The following SPEN variants were observed in gnomAD, a reference collection of about 807,000 sequenced individuals.
The protein encoded by SPEN is msx2-interacting protein.
Under a neutral mutation model 269.9 loss-of-function variants are expected in SPEN, and 18 were observed. That is an observed-to-expected ratio of 0.07 (90% CI 0.05 to 0.10). The LOEUF (loss-of-function observed/expected upper bound fraction) is 0.10, where lower values mean the gene tolerates loss of function less well. Among genes scored for constraint, SPEN ranks in the 10% least tolerant of loss-of-function variants. The pLI is 1.00. For synonymous variants in SPEN, 1,726 were observed against 1,765.7 expected, an observed-to-expected ratio of 0.98 and a Z score of 0.56; for missense variants, 3,822 against 4,631.2, an observed-to-expected ratio of 0.83 and a Z score of 5.07.
At chr1:15,921,839 G>A (rs1040243035) in intron 9 of SPEN, among the ~76,000 whole-genome samples, 5 of 152,212 alleles carry the variant, frequency 3.3e-5, no homozygotes, top group African/African-American at 1.2e-4. Context: ...TTTGATAGCT[G>A]ATGAGCATCA....
At chr1:15,912,669 A>G (rs2071022268) in intron 5 of SPEN, among the ~76,000 whole-genome samples, 1 of 152,200 alleles carries the variant, frequency 6.6e-6, no homozygotes, top group Non-Finnish European at 1.5e-5. Flanking sequence ...TCAAAGGATA[A>G]TAGGTTAAGC....
intron 3 of SPEN, among the ~76,000 whole-genome samples, chr1:15,880,835 A>T (rs533988874): frequency 6.6e-6 from 1 of 152,156 alleles, no homozygotes; most frequent in Non-Finnish European, 1.5e-5. Context: ...GATAGGTAGC[A>T]TTTGGTTAGG....
rs534662431 is a variant in SPEN at position 15,868,716 on chromosome 1, G to A, written c.84-4100G>A. Among the ~76,000 whole-genome samples the A allele has an allele frequency of 8.1e-4, 124 of 152,320 alleles. 1 individual carries two copies. Among genetic ancestry groups the A allele is most frequent in the African/African-American group, 2.9e-3 (121 of 41,576 alleles). On this transcript the variant is annotated intron_variant, in intron 1 of 14. Transcript: ENST00000375759. The stretch of plus-strand genomic sequence containing the variant: ...CCCAAAGTGCTGGGATTACAGGCGT[G>A]AGCCACCGTGCCCAGCCAGAATTAA...
At chr1:15,897,155 C>A (rs2070849906) in intron 3 of SPEN, among the ~76,000 whole-genome samples, 1 of 152,024 alleles carries the variant, frequency 6.6e-6, no homozygotes, top group African/African-American at 2.4e-5. Flanking sequence ...TCTGATAGAC[C>A]AAACAAAGTT....
intron 3 of SPEN, among the ~76,000 whole-genome samples, chr1:15,877,510 C>A (rs1312745388): frequency 6.6e-6 from 1 of 152,092 alleles, no homozygotes; most frequent in African/African-American, 2.4e-5. Flanking sequence ...AAGTGATTTG[C>A]CCACCTCATC....
chr1:15,858,340 A>G (rs188052785), intron 1 of SPEN, among the ~76,000 whole-genome samples: 2 of 151,818 alleles, frequency 1.3e-5, no homozygotes, highest in African/African-American at 4.8e-5. Flanking sequence ...CATTTGCTCC[A>G]TTACCCTCTG....
At chr1:15,884,744 T>C (rs1400276800) in intron 3 of SPEN, among the ~76,000 whole-genome samples, 2 of 151,976 alleles carry the variant, frequency 1.3e-5, no homozygotes, top group African/African-American at 2.4e-5. Flanking sequence ...TCTTTCTTTT[T>C]TTTTTTTAAA....
At position 15,937,282 on chromosome 1, in the gene SPEN, C is replaced by T. The variant is rs1297128683; in HGVS notation, c.10146C>T (p.Ser3382=). ...SQLGQPGQPP[S]SKMPQVSQEA... is the part of the protein sequence containing the mutation. ...TCGGTCAGCCCGGCCAGCCACCAAG[C>T]AGCAAGATGCCTCAAGTGTCCCAGG... The change falls in exon 12 of 15, where the codon AGC becomes AGT. Residue 3382 remains serine, a synonymous_variant. Coordinates refer to ENST00000375759, the MANE Select transcript of SPEN (RefSeq NM_015001.3). This position sits in a 1 kb window ranked among gnomAD's most constrained non-coding sequence, Gnocchi z 5.7. 6 of 1,613,850 alleles carry T rather than the reference C, an allele frequency of 3.7e-6. No homozygotes were observed. Among genetic ancestry groups the T allele is most frequent in the Non-Finnish European group, 4.2e-6 (5 of 1,180,026 alleles).
Position 15,933,214 on chromosome 1 carries a change from T to G in SPEN, c.6974T>G (p.Leu2325Arg). The stretch of plus-strand genomic sequence containing the variant: ...GGGTCTAAAGAAGTGGAAGTCACTC[T>G]TGTTCGGAAAGACAAAGGGCGCCAG... The part of the protein sequence containing the change: ...AKGSKEVEVT[L>R]VRKDKGRQKT... The change falls in exon 11 of 15, where the codon CTT becomes CGT. Residue 2325 changes from leucine to arginine, a missense_variant. Physicochemically the swap from Leu to Arg is moderately radical, Grantham distance 102. Around this residue, in one of 16 missense-constraint regions of SPEN, gnomAD observed 727 missense variants for 737.9 expected, o/e 0.99. Transcript: ENST00000375759. This position sits in a 1 kb window ranked among gnomAD's most constrained non-coding sequence, Gnocchi z 5.7. The G allele has an allele frequency of 1.9e-6, 3 of 1,614,156 alleles. No homozygotes were observed. The highest frequency in any genetic ancestry group is 2.5e-6 in the Non-Finnish European group (3 of 1,180,030).
intron 1 of SPEN, among the ~76,000 whole-genome samples, chr1:15,861,634 G>A (rs1440116489): frequency 6.6e-6 from 1 of 151,998 alleles, no homozygotes; most frequent in Non-Finnish European, 1.5e-5. Context: ...TTCCCAGCAA[G>A]GACTCTCTTT....
rs41269153 is a variant in SPEN, at chr1:15,937,527, G to C, written c.10391G>C (p.Gly3464Ala). The change falls in exon 12 of 15, where the codon GGC becomes GCC. Residue 3464 changes from glycine to alanine, a missense_variant. Physicochemically the swap from Gly to Ala is moderately conservative, Grantham distance 60. Around this residue, in one of 16 missense-constraint regions of SPEN, gnomAD observed 359 missense variants for 377.3 expected, o/e 0.95. Coordinates refer to ENST00000375759, the MANE Select transcript of SPEN (RefSeq NM_015001.3). This position sits in a 1 kb window ranked among gnomAD's most constrained non-coding sequence, Gnocchi z 5.7. Reference sequence around the variant, plus strand: ...CCGTTGTTTGTCCCAACAACCTCTGGCCCCAGCACCCCACCAGGACTGGTT... The same window carrying C: ...CCGTTGTTTGTCCCAACAACCTCTGCCCCCAGCACCCCACCAGGACTGGTT... ...KQPLFVPTTS[G>A]PSTPPGLVLP... The C allele has an allele frequency of 2.7e-3, 4,335 of 1,613,948 alleles. 8 individuals carry two copies. The highest frequency in any genetic ancestry group is 3.4e-3 in the Non-Finnish European group (3,965 of 1,179,970).
intron 1 of SPEN, among the ~76,000 whole-genome samples, chr1:15,857,768 C>T (rs1445382401): frequency 1.3e-5 from 2 of 152,100 alleles, no homozygotes; most frequent in Non-Finnish European, 2.9e-5. Flanking sequence ...TTGAGGTATC[C>T]TCCCACCTTA....
At chr1:15,879,015 A>G (rs1413738290) in intron 3 of SPEN, among the ~76,000 whole-genome samples, 1 of 150,662 alleles carries the variant, frequency 6.6e-6, no homozygotes, top group Non-Finnish European at 1.5e-5. Flanking sequence ...AAAAAAAAAA[A>G]AAAAAAAAAG....
chr1:15,896,187 C>CTTTTTTTTTT (rs34846762), intron 3 of SPEN, among the ~76,000 whole-genome samples: 1 of 69,210 alleles, frequency 1.4e-5, no homozygotes, highest in Non-Finnish European at 2.5e-5. Context: ...TTTACCATCA[C>CTTTTTTTTTT]TTTTTTTTTT....
At chr1:15,901,331 A>AAAT (rs1553177732) in intron 3 of SPEN, among the ~76,000 whole-genome samples, 3 of 151,304 alleles carry the variant, frequency 2.0e-5, no homozygotes, top group African/African-American at 7.3e-5. Context: ...AAAAAATAAA[A>AAAT]AAATAAAAAA....
chr1:15,872,005 C>A (rs1557738280), intron 1 of SPEN, among the ~76,000 whole-genome samples: 1 of 151,820 alleles, frequency 6.6e-6, no homozygotes, highest in African/African-American at 2.4e-5. Flanking sequence ...GAAGCCAAGG[C>A]AGGCAGATCA....
intron 1 of SPEN, among the ~76,000 whole-genome samples, chr1:15,857,887 T>C (rs886659845): frequency 2.0e-5 from 3 of 151,498 alleles, no homozygotes; most frequent in Non-Finnish European, 4.4e-5. Context: ...CCCAGCACTT[T>C]GGGAGGCCGA....
chr1:15,909,253 A>T (rs1570036430), intron 3 of SPEN, 68 bp from the exon 4 acceptor site: 1 of 1,527,600 alleles, frequency 6.5e-7, no homozygotes, highest in East Asian at 2.3e-5. Context: ...TATTTTAAGA[A>T]GTTTTCTAAT....
intron 4 of SPEN, among the ~76,000 whole-genome samples, 198 bp from the exon 5 acceptor site, chr1:15,910,903 T>C (rs2071006485): frequency 6.6e-6 from 1 of 152,266 alleles, no homozygotes; most frequent in African/African-American, 2.4e-5. Flanking sequence ...CTAGATCCTT[T>C]TGTGGTTCAT....
Sources: allele counts gnomAD v4.1 joint callset (sites outside exome capture counted in the v4.1 genomes callset), GRCh38; gene constraint gnomAD v4.1.1; regional missense constraint gnomAD v4.1.1; non-coding constraint Gnocchi (gnomAD v3.1); transcripts MANE v1.5; gene names NCBI Gene and HGNC (gene_info 2026-07-23, HGNC 2026-07-21).